The following CNTNAP5 variants were observed in gnomAD, a reference collection of about 807,000 sequenced individuals.
CNTNAP5 encodes the protein contactin associated protein family member 5, also known as contactin-associated protein-like 5.
Under a neutral mutation model 150.2 loss-of-function variants are expected in CNTNAP5, and 72 were observed. That is an observed-to-expected ratio of 0.48 (90% confidence interval 0.40 to 0.58). The LOEUF is 0.58. Among genes scored for constraint, CNTNAP5 ranks in the 20% least tolerant of loss-of-function variants. The pLI is 0.00. For synonymous variants in CNTNAP5, 672 were observed against 619.8 expected (o/e 1.08, Z -1.25); for missense variants, 1,636 against 1,626.2 (o/e 1.01, Z -0.10).
intron 17 of CNTNAP5, among the ~76,000 whole-genome samples, chr2:124,786,527 AAGAAAGGAAAGAAAG>A (rs1284623956): frequency 2.1e-5 from 3 of 141,012 alleles, no homozygotes; most frequent in Middle Eastern, 3.5e-3. Context: ...AAGAAAGAGA[AAGAAAGGAAAGAAAG>A]AGAAAGGAAA....
intron 2 of CNTNAP5, among the ~76,000 whole-genome samples, chr2:124,228,148 G>C (rs7583123): frequency 6.6e-6 from 1 of 151,820 alleles, no homozygotes; most frequent in Non-Finnish European, 1.5e-5. Flanking sequence ...AGAAATTAAC[G>C]AACCACTGGT....
intron 13 of CNTNAP5, among the ~76,000 whole-genome samples, chr2:124,740,549 G>A (rs951759499): frequency 6.6e-6 from 1 of 152,146 alleles, no homozygotes; most frequent in Non-Finnish European, 1.5e-5. Flanking sequence ...AAGAAGGGCA[G>A]ATGGGAAAGA....
At chr2:124,776,803 GATA>G (rs1443560133) in intron 17 of CNTNAP5, among the ~76,000 whole-genome samples, 15 of 152,164 alleles carry the variant, frequency 9.9e-5, no homozygotes, top group Admixed American at 9.8e-4. Flanking sequence ...TTGCATGGAG[GATA>G]ATAATTATCA....
At chr2:124,448,853 T>A (rs189544477) in intron 6 of CNTNAP5, among the ~76,000 whole-genome samples, 1 of 152,372 alleles carries the variant, frequency 6.6e-6, no homozygotes, top group Non-Finnish European at 1.5e-5. Flanking sequence ...ATTTTATCAT[T>A]ATTCATAAAT....
intron 21 of CNTNAP5, among the ~76,000 whole-genome samples, chr2:124,896,140 A>G (rs1334506283): frequency 1.3e-5 from 2 of 151,624 alleles, no homozygotes; most frequent in African/African-American, 4.9e-5. Flanking sequence ...TGTAAGAAAT[A>G]TTAATGAAGT....
At chr2:124,819,465 C>T (rs1164162946) in intron 19 of CNTNAP5, among the ~76,000 whole-genome samples, 3 of 152,106 alleles carry the variant, frequency 2.0e-5, no homozygotes, top group Non-Finnish European at 4.4e-5. Context: ...AATCATCTGT[C>T]ATCATAATTT....
intron 13 of CNTNAP5, among the ~76,000 whole-genome samples, chr2:124,736,840 G>A (rs1165798250): frequency 1.3e-5 from 2 of 152,112 alleles, no homozygotes; most frequent in African/African-American, 4.8e-5. Context: ...CAGCAAATAT[G>A]TAGTTAGTTC....
chr2:124,432,939 G>A (rs1165488272), intron 4 of CNTNAP5, among the ~76,000 whole-genome samples: 1 of 152,204 alleles, frequency 6.6e-6, no homozygotes, highest in South Asian at 2.1e-4. Flanking sequence ...AATGTGCCAT[G>A]CACAATGAGT....
chr2:124,680,684 C>T (rs1679046506), intron 13 of CNTNAP5: 1 of 151,780 alleles, frequency 6.6e-6, no homozygotes, highest in Non-Finnish European at 1.5e-5. Flanking sequence ...GGAAATTGGT[C>T]ATTCAATTTG....
intron 12 of CNTNAP5, among the ~76,000 whole-genome samples, chr2:124,638,561 C>T (rs1678021356): frequency 6.6e-6 from 1 of 151,934 alleles, no homozygotes; most frequent in Admixed American, 6.6e-5. Flanking sequence ...TTTTCTTTAT[C>T]CTTTTGATTT....
At chr2:124,409,643 G>A in intron 3 of CNTNAP5, among the ~76,000 whole-genome samples, 1 of 124,230 alleles carries the variant, frequency 8.0e-6, no homozygotes. Context: ...CATAAGTGAA[G>A]GAGAAATAAA....
chr2:124,237,129 A>G (rs996389494), intron 2 of CNTNAP5, among the ~76,000 whole-genome samples: 1 of 152,070 alleles, frequency 6.6e-6, no homozygotes, highest in Non-Finnish European at 1.5e-5. Context: ...GACTCTGTCA[A>G]AAGAAAAAAG....
intron 3 of CNTNAP5, among the ~76,000 whole-genome samples, chr2:124,359,431 T>C (rs997378955): frequency 5.3e-5 from 8 of 152,042 alleles, no homozygotes; most frequent in African/African-American, 1.9e-4. Context: ...TGCTTTCTCT[T>C]GTGGGCATTT....
chr2:124,314,763 A>G (rs1204455579), intron 3 of CNTNAP5, among the ~76,000 whole-genome samples: 1 of 152,156 alleles, frequency 6.6e-6, no homozygotes, highest in Non-Finnish European at 1.5e-5. Flanking sequence ...CAGTTCATCT[A>G]TTCATCCATC....
rs576002748 is a variant in CNTNAP5, at chr2:124,350,545, T to A, written c.382-66898T>A. Among the ~76,000 whole-genome samples the A allele has an allele frequency of 5.9e-5, 9 of 152,036 alleles. No homozygotes were observed. The South Asian group carries it at 1.9e-3, about 32-fold the overall frequency. On this transcript the variant is annotated intron_variant, in intron 3 of 23. Transcript: ENST00000682447. ...CTTTACACTTCTTCAATAAATTTAC[T>A]CAAATATAAATAACTTCAGAAAAAT...
intron 1 of CNTNAP5, among the ~76,000 whole-genome samples, chr2:124,135,986 C>G (rs377201913): frequency 6.6e-6 from 1 of 152,132 alleles, no homozygotes; most frequent in Non-Finnish European, 1.5e-5. Context: ...TGGCGTTGAA[C>G]CTTAAATCTA....
intron 7 of CNTNAP5, among the ~76,000 whole-genome samples, chr2:124,490,601 A>C (rs1363908573): frequency 1.3e-5 from 2 of 152,120 alleles, no homozygotes; most frequent in Non-Finnish European, 2.9e-5. Flanking sequence ...TATCATTACT[A>C]TTATAATGAT....
chr2:124,619,844 T>C (rs1289720104), intron 12 of CNTNAP5, among the ~76,000 whole-genome samples: 1 of 2,288 alleles, frequency 4.4e-4, no homozygotes, highest in African/African-American at 4.7e-4. Context: ...GTCTCATTCA[T>C]ATATATATAT....
intron 14 of CNTNAP5, among the ~76,000 whole-genome samples, chr2:124,758,736 A>T (rs373018785): frequency 1.3e-5 from 2 of 152,186 alleles, no homozygotes; most frequent in East Asian, 3.9e-4. Context: ...TGACTACAGC[A>T]TGCAAGCAGA....
Sources: allele counts gnomAD v4.1 joint callset (sites outside exome capture counted in the v4.1 genomes callset), GRCh38; gene constraint gnomAD v4.1.1; transcripts MANE v1.5; gene names NCBI Gene and HGNC (gene_info 2026-07-23, HGNC 2026-07-21).